The following VSTM4 variants were observed in gnomAD, a reference collection of about 807,000 sequenced individuals.
VSTM4 encodes the protein V-set and transmembrane domain-containing protein 4.
VSTM4 carries 20 observed loss-of-function variants against 36.4 expected under a neutral mutation model. The ratio of observed to expected loss-of-function variants is 0.55; its 90% CI spans 0.39 to 0.80. VSTM4 has a LOEUF of 0.80. VSTM4 is among the 30% of genes least tolerant of loss of function. The pLI is 0.00. For missense variants in VSTM4, 392 were observed against 404.5 expected, an observed-to-expected ratio of 0.97 and a Z score of 0.26; for synonymous variants, 182 against 173.9, an observed-to-expected ratio of 1.05 and a Z score of -0.37.
intron 3 of VSTM4, among the ~76,000 whole-genome samples, chr10:49,084,695 AAG>A (rs1844338942): frequency 6.6e-6 from 1 of 152,210 alleles, no homozygotes; most frequent in African/African-American, 2.4e-5. Flanking sequence ...AATCTTTACA[AAG>A]TTCCTGACCA....
intron 7 of VSTM4, among the ~76,000 whole-genome samples, chr10:49,042,078 A>G (rs184302412): frequency 2.3e-4 from 35 of 152,330 alleles, no homozygotes; most frequent in Non-Finnish European, 3.7e-4. Flanking sequence ...ATAAACACGC[A>G]CACCCAGATG....
At chr10:49,075,511 C>G (rs1844160984) in intron 4 of VSTM4, among the ~76,000 whole-genome samples, 1 of 152,276 alleles carries the variant, frequency 6.6e-6, no homozygotes, top group Non-Finnish European at 1.5e-5. Context: ...AAGGCCCATG[C>G]CAAGGCACAA....
In VSTM4 at chr10:49,070,247, C is replaced by T. The variant is rs1303052221; in HGVS notation, c.635-5511G>A. Among the ~76,000 whole-genome samples the T allele has an allele frequency of 1.3e-3, 140 of 111,850 alleles. 11 individuals carry two copies. The East Asian group carries it at 0.018, about 14-fold the overall frequency. The allele number at this position is 111,850 out of a possible 152,430, so 73.4% of individuals were successfully genotyped here. A position where few individuals can be genotyped will look rare whatever the true frequency, so the allele number is the denominator to read the frequency against. On this transcript the variant is annotated intron_variant, in intron 4 of 7. Coordinates refer to ENST00000332853, the MANE Select transcript of VSTM4 (RefSeq NM_001031746.5). The stretch of plus-strand genomic sequence containing the variant: ...CAGCCTGGGCGACAGAGCGAGACTC[C>T]GTCTCAAAAAAAAAAAAAAAAAAAA...
At chr10:49,052,948 T>C (rs928049714) in intron 5 of VSTM4, among the ~76,000 whole-genome samples, 3 of 152,328 alleles carry the variant, frequency 2.0e-5, no homozygotes, top group East Asian at 1.9e-4. Context: ...CACATTGACA[T>C]AGGATAGACA....
At chr10:49,032,027 C>T (rs1392749855) in intron 7 of VSTM4, among the ~76,000 whole-genome samples, 1 of 152,120 alleles carries the variant, frequency 6.6e-6, no homozygotes, top group East Asian at 1.9e-4. Context: ...TGACGTCCTC[C>T]CCATTGAATA....
intron 2 of VSTM4, among the ~76,000 whole-genome samples, chr10:49,090,968 A>G (rs1013840732): frequency 3.6e-5 from 5 of 140,510 alleles, no homozygotes; most frequent in Non-Finnish European, 6.2e-5. Flanking sequence ...CTGCTCCCAC[A>G]GTGCACAGGC....
intron 3 of VSTM4, among the ~76,000 whole-genome samples, chr10:49,080,290 G>T (rs923036131): frequency 6.6e-6 from 1 of 152,224 alleles, no homozygotes; most frequent in African/African-American, 2.4e-5. Flanking sequence ...TGGCTCCCAG[G>T]GAGAGCCTGG....
At chr10:49,021,538 C>A (rs1046387788) in intron 7 of VSTM4, among the ~76,000 whole-genome samples, 1 of 152,108 alleles carries the variant, frequency 6.6e-6, no homozygotes, top group African/African-American at 2.4e-5. Flanking sequence ...ACTAGCAAAT[C>A]TGGCAAAGGA....
At chr10:49,050,098 T>C (rs569807090) in intron 5 of VSTM4, among the ~76,000 whole-genome samples, 10 of 152,312 alleles carry the variant, frequency 6.6e-5, no homozygotes, top group Non-Finnish European at 1.2e-4. Context: ...AATCCGTGCA[T>C]AGGGTCATCT....
At chr10:49,084,868 C>G (rs1042737518) in intron 3 of VSTM4, among the ~76,000 whole-genome samples, 12 of 152,244 alleles carry the variant, frequency 7.9e-5, no homozygotes, top group Non-Finnish European at 1.6e-4. Flanking sequence ...CCTCAGCACT[C>G]TGGATACTTG....
intron 2 of VSTM4, among the ~76,000 whole-genome samples, chr10:49,091,760 C>T (rs1482417714): frequency 6.6e-6 from 1 of 152,170 alleles, no homozygotes; most frequent in Non-Finnish European, 1.5e-5. Context: ...GAAGTGATGG[C>T]CAAAAATTCC....
intron 4 of VSTM4, among the ~76,000 whole-genome samples, chr10:49,073,797 G>A (rs1430502525): frequency 6.6e-6 from 1 of 152,200 alleles, no homozygotes; most frequent in Non-Finnish European, 1.5e-5. Context: ...TAGACTTTGA[G>A]TAACCCTCTT....
intron 2 of VSTM4, chr10:49,103,153 C>G (rs956545871): frequency 6.6e-6 from 1 of 152,218 alleles, no homozygotes; most frequent in Admixed American, 6.5e-5. Flanking sequence ...CAGGGATATT[C>G]ATGGAGATTT....
intron 4 of VSTM4, 54 bp downstream of exon 4, chr10:49,077,165 G>T: frequency 6.4e-7 from 1 of 1,566,344 alleles, no homozygotes; most frequent in East Asian, 2.3e-5. Context: ...TCTTCCGCCC[G>T]TCTGTGGTCG....
At chr10:49,106,554 C>T (rs1844786197) in intron 2 of VSTM4, among the ~76,000 whole-genome samples, 1 of 152,258 alleles carries the variant, frequency 6.6e-6, no homozygotes, top group Non-Finnish European at 1.5e-5. Context: ...CCCTGGTCCT[C>T]TGCCCACTTC....
At chr10:49,075,023 G>T (rs951208778) in intron 4 of VSTM4, among the ~76,000 whole-genome samples, 2 of 152,208 alleles carry the variant, frequency 1.3e-5, no homozygotes. Context: ...GAGGTGCCTG[G>T]CCCACAGCGG....
At chr10:49,104,990 CAG>C (rs1391269431) in intron 2 of VSTM4, among the ~76,000 whole-genome samples, 1 of 108,336 alleles carries the variant, frequency 9.2e-6, no homozygotes, top group Non-Finnish European at 1.9e-5. Context: ...GACAGAGACA[CAG>C]AGAGACAGAG....
chr10:49,044,033 C>A (rs937239323), intron 7 of VSTM4, among the ~76,000 whole-genome samples: 45 of 152,214 alleles, frequency 3.0e-4, no homozygotes, highest in Middle Eastern at 3.4e-3. Context: ...AGATAAGAAA[C>A]CTTTGTCAGG....
At chr10:49,082,574 C>T (rs1173547855) in intron 3 of VSTM4, among the ~76,000 whole-genome samples, 1 of 152,124 alleles carries the variant, frequency 6.6e-6, no homozygotes, top group East Asian at 1.9e-4. Flanking sequence ...ACTTGGGAGG[C>T]TGAGGCAGGA....
Sources: gnomAD v4.1 joint callset for allele counts (sites outside exome capture counted in the v4.1 genomes callset) on GRCh38, gnomAD v4.1.1 for gene constraint, MANE v1.5 for transcripts, NCBI Gene and HGNC (gene_info 2026-07-23, HGNC 2026-07-21) for gene names.